DOCK10: variants seen among roughly 807,000 people sequenced by gnomAD.
The protein encoded by DOCK10 is dedicator of cytokinesis 10.
DOCK10 carries 145 observed loss-of-function variants against 280.1 expected under a neutral mutation model. That is an observed-to-expected ratio of 0.52 (90% CI 0.45 to 0.59). DOCK10 has a LOEUF of 0.59. Ranked by LOEUF, DOCK10 falls within the 20% of genes least tolerant of loss-of-function variation. The pLI, the probability that DOCK10 is intolerant of heterozygous loss-of-function variation, is 0.00. For synonymous variants in DOCK10, 915 were observed against 942.2 expected (o/e 0.97, Z 0.53); for missense variants, 2,368 against 2,651.7 (o/e 0.89, Z 2.35).
At chr2:224,842,280 C>T (rs886252249) in intron 22 of DOCK10, among the ~76,000 whole-genome samples, 3 of 152,222 alleles carry the variant, frequency 2.0e-5, no homozygotes, top group African/African-American at 7.2e-5. Context: ...ACACACATGA[C>T]AATGCGTACT....
chr2:224,979,212 T>A (rs1009046710), intron 1 of DOCK10, among the ~76,000 whole-genome samples: 2 of 152,208 alleles, frequency 1.3e-5, no homozygotes, highest in African/African-American at 2.4e-5. Flanking sequence ...TACCAGTCAG[T>A]GTTTTAAGCA....
chr2:224,916,900 A>G, intron 2 of DOCK10, 116 bp from the exon 3 acceptor site: 1 of 737,324 alleles, frequency 1.4e-6, no homozygotes, highest in Non-Finnish European at 2.3e-6. Context: ...AGTTAACAGA[A>G]GACAGAGACA....
chr2:224,781,609 T>G (rs1691344202), intron 50 of DOCK10, among the ~76,000 whole-genome samples: 1 of 152,222 alleles, frequency 6.6e-6, no homozygotes, highest in Admixed American at 6.5e-5. Context: ...CTCTTTTGCT[T>G]TAGCCCCAAG....
At chr2:224,781,828 A>C (rs888936853) in intron 50 of DOCK10, among the ~76,000 whole-genome samples, 3 of 152,220 alleles carry the variant, frequency 2.0e-5, no homozygotes, top group Non-Finnish European at 4.4e-5. Flanking sequence ...CAATAAACTG[A>C]CAACTAAAAG....
At chr2:224,842,410 G>C (rs1030774517) in intron 22 of DOCK10, among the ~76,000 whole-genome samples, 5 of 152,180 alleles carry the variant, frequency 3.3e-5, no homozygotes, top group Admixed American at 3.3e-4. Flanking sequence ...TTTACTTCCA[G>C]AAGGTGGTAC....
Position 224,840,082 on chromosome 2 carries a change from A to G in DOCK10, c.2662-10T>C. 1 of 1,366,736 alleles carries G rather than the reference A, an allele frequency of 7.3e-7. No homozygotes were observed. 84.7% of individuals were successfully genotyped at this position (1,366,736 alleles called of 1,614,324 possible). A position where few individuals can be genotyped will look rare whatever the true frequency, so the allele number is the denominator to read the frequency against. On this transcript the variant is annotated splice_polypyrimidine_tract_variant and intron_variant, in intron 23 of 55. Transcript: ENST00000258390. ...CCACATTCAATAAGTTCTGTAGTAA[A>G]TTGGCAGAAAAAAAGGATACCAATT...
Position 224,852,364 on chromosome 2 carries a change from T to C in DOCK10, c.2142+13A>G. ...CCCACTTTATGCTGGGTCCCTTTGC[T>C]GACTTGGCTCACCTTCAGGGGCTTG... On this transcript the variant is annotated intron_variant, in intron 18 of 55. Coordinates refer to ENST00000258390, the MANE Select transcript of DOCK10 (RefSeq NM_014689.3). The C allele has an allele frequency of 6.4e-7, 1 of 1,564,202 alleles. No homozygotes were observed. The highest frequency in any genetic ancestry group is 8.7e-7 in the Non-Finnish European group (1 of 1,152,834).
intron 48 of DOCK10, among the ~76,000 whole-genome samples, chr2:224,787,981 G>A (rs975268275): frequency 1.3e-5 from 2 of 151,986 alleles, no homozygotes; most frequent in Non-Finnish European, 2.9e-5. Flanking sequence ...TGTTATAGAT[G>A]CACCTATAAG....
intron 1 of DOCK10, among the ~76,000 whole-genome samples, chr2:224,964,143 T>C (rs752850388): frequency 1.4e-4 from 22 of 152,288 alleles, no homozygotes; most frequent in Non-Finnish European, 1.9e-4. Flanking sequence ...GTGTTTTCCT[T>C]GGTGAAATTT....
intron 21 of DOCK10, 96 bp from the exon 22 acceptor site, chr2:224,844,935 T>C: frequency 1.1e-6 from 1 of 947,788 alleles, no homozygotes; most frequent in South Asian, 1.5e-5. Context: ...TTCTGATCCA[T>C]TAATCTTATA....
chr2:224,814,221 G>A (rs1693976338), intron 31 of DOCK10, 99 bp downstream of exon 31: 2 of 578,152 alleles, frequency 3.5e-6, no homozygotes, highest in Non-Finnish European at 2.8e-6. Flanking sequence ...TATTAAATAT[G>A]TGAATATTTA....
intron 2 of DOCK10, among the ~76,000 whole-genome samples, chr2:224,929,281 A>C (rs566325247): frequency 1.3e-5 from 2 of 152,362 alleles, no homozygotes; most frequent in South Asian, 4.1e-4. Context: ...TTAGAACCCC[A>C]GGTGATTTCT....
chr2:225,025,051 AGTAAATAAAC>A (rs1689883854), intron 1 of DOCK10, among the ~76,000 whole-genome samples: 1 of 152,212 alleles, frequency 6.6e-6, no homozygotes, highest in African/African-American at 2.4e-5. Flanking sequence ...TTCTTTAAGG[AGTAAATAAAC>A]GTTCTAGGAA....
intron 50 of DOCK10, among the ~76,000 whole-genome samples, chr2:224,780,027 A>G (rs1691198385): frequency 6.6e-6 from 1 of 152,214 alleles, no homozygotes; most frequent in Non-Finnish European, 1.5e-5. Context: ...GAGTTCTTAA[A>G]GGGCACACAT....
chr2:224,786,965 G>A lies in DOCK10; in HGVS notation c.5655+57C>T. The stretch of plus-strand genomic sequence containing the variant: ...CACAGATGTCTCATAAAGAATGAAA[G>A]ACAACATTCAACTGCTCAGCAGAAT... On this transcript the variant is annotated intron_variant, in intron 50 of 55. Transcript: ENST00000258390. This position sits in a 1 kb window ranked among gnomAD's most constrained non-coding sequence, Gnocchi z 4.7. The A allele has an allele frequency of 3.9e-6, 5 of 1,275,732 alleles. No individual in the cohort carries two copies. Among genetic ancestry groups the A allele is most frequent in the Admixed American group, 1.7e-5 (1 of 59,534 alleles). 79.0% of individuals were successfully genotyped at this position (1,275,732 alleles called of 1,614,324 possible). A position where few individuals can be genotyped will look rare whatever the true frequency, so the allele number is the denominator to read the frequency against.
intron 1 of DOCK10, among the ~76,000 whole-genome samples, chr2:224,958,432 C>T (rs1267964617): frequency 6.6e-6 from 1 of 152,288 alleles, no homozygotes; most frequent in East Asian, 1.9e-4. Context: ...CAGAAGACCC[C>T]TTGGTTTGGA....
intron 1 of DOCK10, among the ~76,000 whole-genome samples, chr2:224,990,314 G>A (rs1706090749): frequency 6.6e-6 from 1 of 152,182 alleles, no homozygotes; most frequent in Admixed American, 6.5e-5. Context: ...GTGTAGTATA[G>A]TGCGGCACTT....
intron 1 of DOCK10, among the ~76,000 whole-genome samples, chr2:225,029,473 C>T (rs916433590): frequency 6.6e-6 from 1 of 152,124 alleles, no homozygotes; most frequent in Non-Finnish European, 1.5e-5. Flanking sequence ...TGCCCGGCCT[C>T]TTTATCTATT....
At chr2:224,790,639 A>G (rs1041303543) in intron 47 of DOCK10, among the ~76,000 whole-genome samples, 2 of 152,068 alleles carry the variant, frequency 1.3e-5, no homozygotes, top group African/African-American at 4.8e-5. Flanking sequence ...ACTTTTTATA[A>G]TAATATTAAA....
Sources: gnomAD v4.1 joint callset for allele counts (sites outside exome capture counted in the v4.1 genomes callset) on GRCh38, gnomAD v4.1.1 for gene constraint, Gnocchi (gnomAD v3.1) non-coding constraint, MANE v1.5 for transcripts, NCBI Gene and HGNC (gene_info 2026-07-23, HGNC 2026-07-21) for gene names.